Variants in VAMP2 observed in about 807,000 individuals in gnomAD.
VAMP2 encodes the protein vesicle associated membrane protein 2.
For synonymous variants in VAMP2, 67 were observed against 57.3 expected (o/e 1.17, Z -0.76); for missense variants, 95 against 151.3 (o/e 0.63, Z 1.95).
rs1983256272 is a variant in VAMP2 at position 8,160,362 on chromosome 17, G to C, written c.*493C>G. The C allele has an allele frequency of 7.3e-6, 1 of 137,160 alleles. No individual in the cohort carries two copies. Among genetic ancestry groups the C allele is most frequent in the African/African-American group, 2.7e-5 (1 of 37,508 alleles). 8.5% of individuals were successfully genotyped at this position (137,160 alleles called of 1,614,324 possible). ...ATACAAAGAAGATGTACCTAAGGAA[G>C]CCTGGACAGGTGCTGTTGTTTTTTT... On this transcript the variant is annotated 3_prime_UTR_variant, in exon 5 of 5. Coordinates refer to ENST00000316509, the MANE Select transcript of VAMP2 (RefSeq NM_014232.3).
chr17:8,161,282 T>G (rs1425362723), intron 4 of VAMP2, 191 bp downstream of exon 4: 8 of 810,470 alleles, frequency 9.9e-6, no homozygotes, highest in Non-Finnish European at 1.1e-5. Context: ...TTAACAAGAC[T>G]GCCAAGAACT....
In VAMP2 at chr17:8,161,464, C is replaced by T; in HGVS notation, c.334+9G>A. On this transcript the variant is annotated intron_variant, in intron 4 of 4. Coordinates refer to ENST00000316509, the MANE Select transcript of VAMP2 (RefSeq NM_014232.3). ...GGGAAAGGGCCCCGGCCATTCTCAC[C>T]CTACTCACCTATGATGATGATGAGG... 1.2e-6 allele frequency: 2 copies of T among 1,614,008 alleles called. No homozygotes were observed. The highest frequency in any genetic ancestry group is 1.1e-5 in the South Asian group (1 of 91,060).
intron 4 of VAMP2, 161 bp from the exon 5 acceptor site, chr17:8,161,032 G>T: frequency 1.6e-6 from 1 of 614,208 alleles, no homozygotes; most frequent in Non-Finnish European, 2.9e-6. Flanking sequence ...AAAGCAAGGG[G>T]CTAGACAGGT....
intron 1 of VAMP2, 151 bp from the exon 2 acceptor site, chr17:8,162,520 C>G: frequency 6.6e-7 from 1 of 1,521,666 alleles, no homozygotes; most frequent in Non-Finnish European, 8.8e-7. Context: ...CGGTCCAGCC[C>G]TGCCGCCGAT....
Position 8,160,457 on chromosome 17 carries a change from G to C in VAMP2, c.*398C>G, listed in dbSNP as rs915381018. On this transcript the variant is annotated 3_prime_UTR_variant, in exon 5 of 5. Transcript: ENST00000316509. ...GGGAGAGTGAGGAGGAAAGAGGAAAGGAAGGCCAGGGTGGGAGGAAGGATC... is the reference window on the plus strand; with the variant it reads ...GGGAGAGTGAGGAGGAAAGAGGAAACGAAGGCCAGGGTGGGAGGAAGGATC... 1.4e-5 allele frequency: 2 copies of C among 140,544 alleles called. No homozygotes were observed. Among genetic ancestry groups the C allele is most frequent in the Admixed American group, 1.5e-4 (2 of 13,448 alleles). The allele number at this position is 140,544 out of a possible 1,614,324, so 8.7% of individuals were successfully genotyped here. A position where few individuals can be genotyped will look rare whatever the true frequency, so the allele number is the denominator to read the frequency against.
chr17:8,160,749 C>T lies in VAMP2; in HGVS notation c.*106G>A. 8.0e-7 allele frequency: 1 copy of T among 1,255,494 alleles called. No individual in the cohort carries two copies. Among genetic ancestry groups the T allele is most frequent in the Non-Finnish European group, 1.1e-6 (1 of 892,504 alleles). The allele number at this position is 1,255,494 out of a possible 1,614,324, so 77.8% of individuals were successfully genotyped here. ...GGACACACACACGGACACACACACA[C>T]ACGGATCCAGGGGAGTGGGGGCTGA... On this transcript the variant is annotated 3_prime_UTR_variant, in exon 5 of 5. Transcript: ENST00000316509.
At chr17:8,162,742 C>A (rs983760198) in intron 1 of VAMP2, 136 bp downstream of exon 1, 2 of 1,275,942 alleles carry the variant, frequency 1.6e-6, no homozygotes, top group African/African-American at 3.1e-5. Context: ...CGGCCGCCCG[C>A]GCGCAGTCAC....
At position 8,160,620 on chromosome 17, in the gene VAMP2, G is replaced by C; in HGVS notation, c.*235C>G. On this transcript the variant is annotated 3_prime_UTR_variant, in exon 5 of 5. Coordinates refer to ENST00000316509, the MANE Select transcript of VAMP2 (RefSeq NM_014232.3). ...GAGGGGTGAAGGGAACCTCAGGAAG[G>C]GGTGTTAAGGACAACCGGAAAAATC... The C allele has an allele frequency of 3.5e-6, 1 of 287,714 alleles. No homozygotes were observed. The highest frequency in any genetic ancestry group is 6.3e-6 in the Non-Finnish European group (1 of 158,866). The allele number at this position is 287,714 out of a possible 1,614,324, so 17.8% of individuals were successfully genotyped here. A position where few individuals can be genotyped will look rare whatever the true frequency, so the allele number is the denominator to read the frequency against.
chr17:8,161,876 G>A, intron 2 of VAMP2, 110 bp from the exon 3 acceptor site: 2 of 1,488,274 alleles, frequency 1.3e-6, no homozygotes, highest in Non-Finnish European at 9.1e-7. Context: ...CCCTGATACT[G>A]CCAGGTTAAC....
rs1983241407 is a variant in VAMP2 at position 8,159,939 on chromosome 17, G to C, written c.*916C>G. ...AGAAACCCGAAGTGGCAGAATTATT[G>C]GTCCATCATAACATACTGAACTTCA... On this transcript the variant is annotated 3_prime_UTR_variant, in exon 5 of 5. Coordinates refer to ENST00000316509, the MANE Select transcript of VAMP2 (RefSeq NM_014232.3). The C allele has an allele frequency of 1.3e-5, 2 of 152,436 alleles. No individual in the cohort carries two copies. Among genetic ancestry groups the C allele is most frequent in the African/African-American group, 4.8e-5 (2 of 41,432 alleles). The allele number at this position is 152,436 out of a possible 1,614,324, so 9.4% of individuals were successfully genotyped here.
At position 8,160,394 on chromosome 17, in the gene VAMP2, T is replaced by TTTTTTTTTTTTTTTTTTTTTTTTTTTG. The variant is rs772100314; in HGVS notation, c.*460_*461insCAAAAAAAAAAAAAAAAAAAAAAAAAA. 1 of 129,452 alleles carries TTTTTTTTTTTTTTTTTTTTTTTTTTTG rather than the reference T, an allele frequency of 7.7e-6. No homozygotes were observed. Among genetic ancestry groups the TTTTTTTTTTTTTTTTTTTTTTTTTTTG allele is most frequent in the Non-Finnish European group, 1.7e-5 (1 of 59,738 alleles). 8.0% of individuals were successfully genotyped at this position (129,452 alleles called of 1,614,324 possible). On this transcript the variant is annotated 3_prime_UTR_variant, in exon 5 of 5. Transcript: ENST00000316509. ...CAGGTGCTGTTGTTTTTTTTTTTTT[T>TTTTTTTTTTTTTTTTTTTTTTTTTTTG]TTTTTTTTTTTGAGGGCGGGGCAGA...
chr17:8,162,894 G>A lies in VAMP2; in HGVS notation c.-15C>T. 1.7e-6 allele frequency: 2 copies of A among 1,211,524 alleles called. No homozygotes were observed. The highest frequency in any genetic ancestry group is 2.1e-6 in the Non-Finnish European group (2 of 974,838). The allele number at this position is 1,211,524 out of a possible 1,614,324, so 75.0% of individuals were successfully genotyped here. ...CCGACTCACATGGCGGGGGCAGCGG[G>A]TGGAGGACTTGGCAGCGGCAGTGAT... On this transcript the variant is annotated 5_prime_UTR_variant, in exon 1 of 5. Transcript: ENST00000316509.
Position 8,160,384 on chromosome 17 carries a change from T to TTTTTTTGTTTTG in VAMP2, c.*470_*471insCAAAACAAAAAA, listed in dbSNP as rs1983264025. 1 of 123,038 alleles carries TTTTTTTGTTTTG rather than the reference T, an allele frequency of 8.1e-6. No individual in the cohort carries two copies. Among genetic ancestry groups the TTTTTTTGTTTTG allele is most frequent in the Non-Finnish European group, 1.7e-5 (1 of 58,092 alleles). 7.6% of individuals were successfully genotyped at this position (123,038 alleles called of 1,614,324 possible). A position where few individuals can be genotyped will look rare whatever the true frequency, so the allele number is the denominator to read the frequency against. ...GAAGCCTGGACAGGTGCTGTTGTTT[T>TTTTTTTGTTTTG]TTTTTTTTTTTTTTTTTTTTTGAGG... On this transcript the variant is annotated 3_prime_UTR_variant, in exon 5 of 5. Transcript: ENST00000316509.
At position 8,162,576 on chromosome 17, in the gene VAMP2, G is replaced by T. The variant is rs368261829; in HGVS notation, c.3-207C>A. ...AGGCCCCCCCGGCCTCAGTTTCCCCGCCTGTCAACTGAGGGCGACCTCACA... is the reference window on the plus strand; with the variant it reads ...AGGCCCCCCCGGCCTCAGTTTCCCCTCCTGTCAACTGAGGGCGACCTCACA... On this transcript the variant is annotated intron_variant, in intron 1 of 4. Coordinates refer to ENST00000316509, the MANE Select transcript of VAMP2 (RefSeq NM_014232.3). 23 of 1,452,956 alleles carry T rather than the reference G, an allele frequency of 1.6e-5. No individual in the cohort carries two copies. The East Asian group carries it at 1.6e-4, about 10-fold the overall frequency. The allele number at this position is 1,452,956 out of a possible 1,614,324, so 90.0% of individuals were successfully genotyped here.
intron 1 of VAMP2, chr17:8,162,658 G>GGGCA (rs1280012348): frequency 2.9e-6 from 4 of 1,390,052 alleles, no homozygotes. Flanking sequence ...GGGCGGGGAG[G>GGGCA]GGCAGGAGGA....
chr17:8,162,900 G>A lies in VAMP2; in HGVS notation c.-21C>T. Reference sequence around the variant, plus strand: ...CACATGGCGGGGGCAGCGGGTGGAGGACTTGGCAGCGGCAGTGATGGCGGC... The same window carrying A: ...CACATGGCGGGGGCAGCGGGTGGAGAACTTGGCAGCGGCAGTGATGGCGGC... On this transcript the variant is annotated 5_prime_UTR_variant, in exon 1 of 5. Coordinates refer to ENST00000316509, the MANE Select transcript of VAMP2 (RefSeq NM_014232.3). The A allele has an allele frequency of 8.3e-7, 1 of 1,210,916 alleles. No individual in the cohort carries two copies. Among genetic ancestry groups the A allele is most frequent in the Non-Finnish European group, 1.0e-6 (1 of 974,466 alleles). 75.0% of individuals were successfully genotyped at this position (1,210,916 alleles called of 1,614,324 possible).
chr17:8,161,905 A>G, intron 2 of VAMP2, 139 bp from the exon 3 acceptor site: 1 of 1,345,134 alleles, frequency 7.4e-7, no homozygotes, highest in Non-Finnish European at 1.0e-6. Flanking sequence ...GACACACAGA[A>G]CATGCCTAGC....
chr17:8,161,288 G>A (rs528689401), intron 4 of VAMP2, 185 bp downstream of exon 4: 2 of 880,594 alleles, frequency 2.3e-6, no homozygotes, highest in African/African-American at 3.4e-5. Context: ...AGACTGCCAA[G>A]AACTAGGCAA....
At chr17:8,162,657 G>C in intron 1 of VAMP2, 1 of 1,390,266 alleles carries the variant, frequency 7.2e-7, no homozygotes. Flanking sequence ...GGGGCGGGGA[G>C]GGGCAGGAGG....
Sources: allele counts gnomAD v4.1 joint callset, GRCh38; gene constraint gnomAD v4.1.1; transcripts MANE v1.5; gene names NCBI Gene and HGNC (gene_info 2026-07-23, HGNC 2026-07-21).